The following TBC1D22A variants were observed in gnomAD, a reference collection of about 807,000 sequenced individuals.
TBC1D22A encodes the protein TBC1 domain family member 22A.
TBC1D22A carries 38 observed loss-of-function variants against 60.2 expected under a neutral mutation model. The observed-to-expected ratio is 0.63, with a 90% CI of 0.49 to 0.83. The LOEUF is 0.83. Ranked by LOEUF, TBC1D22A falls within the 40% of genes least tolerant of loss-of-function variation. TBC1D22A has a pLI of 0.00. For missense variants in TBC1D22A, 628 were observed against 701.0 expected (o/e 0.90, Z 1.18); for synonymous variants, 302 against 281.7 (o/e 1.07, Z -0.72).
intron 8 of TBC1D22A, among the ~76,000 whole-genome samples, chr22:46,927,449 T>C (rs1042860560): frequency 6.6e-6 from 1 of 152,190 alleles, no homozygotes; most frequent in African/African-American, 2.4e-5. Context: ...GAAGAGAACT[T>C]CCTCTCTAAT....
intron 8 of TBC1D22A, among the ~76,000 whole-genome samples, chr22:46,974,040 A>C (rs1052259708): frequency 2.6e-5 from 4 of 152,246 alleles, no homozygotes; most frequent in Admixed American, 2.6e-4. Flanking sequence ...GCAATAGTTT[A>C]TAATGTATTA....
chr22:47,015,825 T>G (rs2061892839), intron 10 of TBC1D22A, among the ~76,000 whole-genome samples: 1 of 152,174 alleles, frequency 6.6e-6, no homozygotes, highest in Admixed American at 6.5e-5. Flanking sequence ...GGTCTTGGCC[T>G]TACGCTGCCC....
chr22:46,938,122 A>C (rs918944391), intron 8 of TBC1D22A, among the ~76,000 whole-genome samples: 6 of 152,198 alleles, frequency 3.9e-5, no homozygotes. Flanking sequence ...CCTCGCAGCC[A>C]CTCAGCACTC....
intron 7 of TBC1D22A, among the ~76,000 whole-genome samples, chr22:46,909,863 G>A (rs981079307): frequency 1.3e-5 from 2 of 152,190 alleles, no homozygotes; most frequent in South Asian, 2.1e-4. Flanking sequence ...CTAGGGGCTC[G>A]GCAGGGCTGG....
chr22:47,142,205 TCCATTCACCCACCCAC>T (rs936635760), intron 12 of TBC1D22A, among the ~76,000 whole-genome samples: 6 of 150,144 alleles, frequency 4.0e-5, no homozygotes, highest in South Asian at 2.1e-4. Context: ...CACACACCCA[TCCATTCACCCACCCAC>T]CCATTCACCC....
intron 7 of TBC1D22A, among the ~76,000 whole-genome samples, chr22:46,905,448 G>A (rs1170790557): frequency 1.3e-5 from 2 of 152,216 alleles, no homozygotes; most frequent in African/African-American, 4.8e-5. Context: ...TGAGCAAGTT[G>A]GTAAAGCAGC....
chr22:47,095,611 T>TA (rs1203667456), intron 11 of TBC1D22A, among the ~76,000 whole-genome samples: 2 of 121,182 alleles, frequency 1.7e-5, no homozygotes, highest in Non-Finnish European at 3.4e-5. Flanking sequence ...TGGTAAGGCA[T>TA]CAGGATTTCC....
chr22:46,982,707 A>G (rs1194187474), intron 9 of TBC1D22A, among the ~76,000 whole-genome samples: 3 of 152,152 alleles, frequency 2.0e-5, no homozygotes, highest in African/African-American at 4.8e-5. Context: ...AGGGACGTCT[A>G]AGCTTGTGGA....
chr22:47,073,077 T>G (rs1304963145), intron 11 of TBC1D22A, among the ~76,000 whole-genome samples: 1 of 152,238 alleles, frequency 6.6e-6, no homozygotes, highest in Non-Finnish European at 1.5e-5. Context: ...AATTCCCTCT[T>G]AAAATTTAAT....
At chr22:46,816,634 C>T (rs1259955067) in intron 4 of TBC1D22A, among the ~76,000 whole-genome samples, 1 of 152,094 alleles carries the variant, frequency 6.6e-6, no homozygotes, top group African/African-American at 2.4e-5. Context: ...GGAAGTTAGC[C>T]ACGTGGTAGA....
chr22:47,022,747 C>G (rs1259404245), intron 10 of TBC1D22A, among the ~76,000 whole-genome samples: 1 of 152,116 alleles, frequency 6.6e-6, no homozygotes, highest in African/African-American at 2.4e-5. Context: ...GAACGGAAAA[C>G]TTTAGAAGTC....
chr22:46,947,108 A>G (rs1185267562), intron 8 of TBC1D22A, among the ~76,000 whole-genome samples: 2 of 152,044 alleles, frequency 1.3e-5, no homozygotes, highest in South Asian at 2.1e-4. Context: ...ATGAGGTGAT[A>G]GAGCTGTGTG....
intron 12 of TBC1D22A, among the ~76,000 whole-genome samples, chr22:47,121,311 G>T (rs946916712): frequency 6.6e-6 from 1 of 152,182 alleles, no homozygotes; most frequent in Non-Finnish European, 1.5e-5. Flanking sequence ...TTTCTGCAGA[G>T]CTATTAATAA....
chr22:47,147,428 G>A (rs1035120999), intron 12 of TBC1D22A, among the ~76,000 whole-genome samples: 2 of 152,120 alleles, frequency 1.3e-5, no homozygotes, highest in Admixed American at 6.5e-5. Context: ...TCCTGCTGCC[G>A]GCCTGGTATA....
intron 11 of TBC1D22A, among the ~76,000 whole-genome samples, chr22:47,069,109 A>T (rs576996725): frequency 1.3e-5 from 2 of 152,344 alleles, no homozygotes; most frequent in Admixed American, 6.5e-5. Context: ...TAAGTGGCTA[A>T]TTATATTGTA....
At chr22:46,801,461 T>G (rs2084892840) in intron 4 of TBC1D22A, among the ~76,000 whole-genome samples, 1 of 152,262 alleles carries the variant, frequency 6.6e-6, no homozygotes, top group Non-Finnish European at 1.5e-5. Flanking sequence ...CGCTCTGTTA[T>G]GAGCCTGGGG....
At chr22:46,897,855 A>G (rs964020644) in intron 7 of TBC1D22A, among the ~76,000 whole-genome samples, 10 of 152,020 alleles carry the variant, frequency 6.6e-5, no homozygotes, top group African/African-American at 2.4e-4. Context: ...TGATTGCTTC[A>G]GTAAAGGCAC....
At chr22:47,079,594 G>A (rs539508522) in intron 11 of TBC1D22A, among the ~76,000 whole-genome samples, 1 of 152,278 alleles carries the variant, frequency 6.6e-6, no homozygotes, top group African/African-American at 2.4e-5. Context: ...AGGTAAGGAT[G>A]TATTCTATAA....
At chr22:46,934,895 G>A (rs1042967506) in intron 8 of TBC1D22A, among the ~76,000 whole-genome samples, 1 of 152,226 alleles carries the variant, frequency 6.6e-6, no homozygotes, top group Non-Finnish European at 1.5e-5. Context: ...TGGCCACAGC[G>A]TTTTCACAAG....
Sources: allele counts gnomAD v4.1 joint callset (sites outside exome capture counted in the v4.1 genomes callset), GRCh38; gene constraint gnomAD v4.1.1; transcripts MANE v1.5; gene names NCBI Gene and HGNC (gene_info 2026-07-23, HGNC 2026-07-21).